The following MAP4K1 variants were observed in gnomAD, a reference collection of about 807,000 sequenced individuals.
MAP4K1 encodes mitogen-activated protein kinase kinase kinase kinase 1.
MAP4K1 carries 35 observed loss-of-function variants against 122.8 expected under a neutral mutation model. That is an observed-to-expected ratio of 0.29 (90% CI 0.22 to 0.38). The LOEUF (loss-of-function observed/expected upper bound fraction) is 0.38, where lower values mean the gene tolerates loss of function less well. Among genes scored for constraint, MAP4K1 ranks in the 10% least tolerant of loss-of-function variants. MAP4K1 has a pLI of 1.00. For synonymous variants in MAP4K1, 412 were observed against 421.3 expected (o/e 0.98, Z 0.27); for missense variants, 791 against 1,072.6 (o/e 0.74, Z 3.67).
intron 17 of MAP4K1, 152 bp from the exon 18 acceptor site, chr19:38,605,882 C>G (rs2144727817): frequency 1.4e-6 from 1 of 725,464 alleles, no homozygotes; most frequent in East Asian, 2.8e-5. Context: ...CCAGCCTTCC[C>G]CTGACATCCC....
rs1462452283 is a variant in MAP4K1, at chr19:38,611,235, T to C, written c.728+8A>G. The C allele has an allele frequency of 1.2e-6, 2 of 1,612,452 alleles. No individual in the cohort carries two copies. The highest frequency in any genetic ancestry group is 1.7e-6 in the Non-Finnish European group (2 of 1,178,808). ...TCTCTCACCCTCCCTCCTGTTACTC[T>C]CTCGTACCATTTGCCTTTTTCCTTC... On this transcript the variant is annotated splice_region_variant and intron_variant, in intron 10 of 30. Transcript: ENST00000396857.
At position 38,610,432 on chromosome 19, in the gene MAP4K1, C is replaced by T. The variant is rs181926672; in HGVS notation, c.811-407G>A. Among the ~76,000 whole-genome samples, 6 of 126,050 alleles carry T rather than the reference C, an allele frequency of 4.8e-5. No individual in the cohort carries two copies. In the East Asian group the frequency reaches 1.3e-3, roughly 28 times the overall value. 82.7% of individuals were successfully genotyped at this position (126,050 alleles called of 152,430 possible). ...ACAGGGTCTCGCCCTGTCACTCAGA[C>T]TGGAGTGCAGTGGCACGATCCTGGC... On this transcript the variant is annotated intron_variant, in intron 11 of 30. Transcript: ENST00000396857.
At chr19:38,589,830 G>A (rs1430087472) in intron 30 of MAP4K1, among the ~76,000 whole-genome samples, 1 of 152,142 alleles carries the variant, frequency 6.6e-6, no homozygotes, top group Non-Finnish European at 1.5e-5. Flanking sequence ...AGGAGTTCCA[G>A]ACCAGGCTAA....
At chr19:38,608,374 C>G (rs1161133763) in intron 13 of MAP4K1, among the ~76,000 whole-genome samples, 1 of 151,984 alleles carries the variant, frequency 6.6e-6, no homozygotes, top group African/African-American at 2.4e-5. Context: ...GGATCAAGAC[C>G]AGGTGCAGTG....
intron 30 of MAP4K1, among the ~76,000 whole-genome samples, chr19:38,588,703 G>A (rs2145925159): frequency 6.7e-6 from 1 of 150,170 alleles, no homozygotes; most frequent in South Asian, 2.1e-4. Context: ...AGTGAGCCGA[G>A]ATAGCGCCAG....
intron 4 of MAP4K1, 72 bp from the exon 5 acceptor site, chr19:38,614,517 C>A: frequency 6.6e-7 from 1 of 1,525,712 alleles, no homozygotes; most frequent in South Asian, 1.1e-5. Context: ...AGTCCTGCCC[C>A]CCCACACCAG....
intron 19 of MAP4K1, among the ~76,000 whole-genome samples, chr19:38,602,752 A>G (rs924718367): frequency 6.7e-6 from 1 of 148,642 alleles, no homozygotes; most frequent in Non-Finnish European, 1.5e-5. Flanking sequence ...ATACACATGT[A>G]CATATATACG....
At chr19:38,603,260 G>A (rs748427344) in intron 19 of MAP4K1, among the ~76,000 whole-genome samples, 17 of 116,964 alleles carry the variant, frequency 1.5e-4, no homozygotes, top group African/African-American at 2.0e-4. Context: ...ACATATATAC[G>A]CATATACATA....
Position 38,612,648 on chromosome 19 carries a change from C to T in MAP4K1, c.628G>A (p.Glu210Lys), listed in dbSNP as rs370568911. 7 of 1,613,504 alleles carry T rather than the reference C, an allele frequency of 4.3e-6. No homozygotes were observed. Among genetic ancestry groups the T allele is most frequent in the Non-Finnish European group, 5.9e-6 (7 of 1,179,924 alleles). The change falls in exon 9 of 31, where the codon GAG becomes AAG. Residue 210 changes from glutamate (E) to lysine (K), a missense_variant. By Grantham distance (56) the Glu-to-Lys change is moderately conservative. Around this residue, in one of 4 missense-constraint regions of MAP4K1, gnomAD observed 163 missense variants for 286.1 expected, o/e 0.57. Coordinates refer to ENST00000396857, the MANE Select transcript of MAP4K1 (RefSeq NM_001042600.3). ...SLGITAIELA[E>K]LQPPLFDVHP... ...ACATCAAAGAGCGGTGGCTGTAGCTCGGCCAGTTCGATGGCCGTGATGCCC... is the reference window on the plus strand; with the variant it reads ...ACATCAAAGAGCGGTGGCTGTAGCTTGGCCAGTTCGATGGCCGTGATGCCC...
chr19:38,616,415 G>C (rs2144747572), intron 3 of MAP4K1, among the ~76,000 whole-genome samples, 156 bp from the exon 4 acceptor site: 1 of 152,326 alleles, frequency 6.6e-6, no homozygotes, highest in East Asian at 1.9e-4. Flanking sequence ...GAGTGAGGTT[G>C]TTTCATTCCC....
chr19:38,610,664 G>A (rs1159093340), intron 11 of MAP4K1, among the ~76,000 whole-genome samples: 1 of 152,118 alleles, frequency 6.6e-6, no homozygotes, highest in Non-Finnish European at 1.5e-5. Context: ...GGGATTACAG[G>A]TGTGAGCCAC....
In MAP4K1 at chr19:38,611,129, C is replaced by A. The variant is rs1247248614; in HGVS notation, c.732G>T (p.Ser244=). The change falls in exon 11 of 31, where the codon TCG becomes TCT. Residue 244 remains serine (S), a synonymous_variant. Transcript: ENST00000396857. ...CTTTGATGAAGTTGTGGAAGGCAGC[C>A]GACCTTGGGAAGAAGAAGCCAGGTT... The part of the protein sequence containing the change: ...PPRLKEKGKW[S]AAFHNFIKVT... The A allele has an allele frequency of 1.9e-6, 3 of 1,613,316 alleles. No homozygotes were observed.
rs943108537 is a variant in MAP4K1 at position 38,611,191 on chromosome 19, C to A, written c.728+52G>T. ...GACCAGAAACCCTCCCATCAGGCCA[C>A]CCAGCCCCAGCCCTGCCCTCTCTCA... On this transcript the variant is annotated intron_variant, in intron 10 of 30. Coordinates refer to ENST00000396857, the MANE Select transcript of MAP4K1 (RefSeq NM_001042600.3). 101 of 1,600,492 alleles carry A rather than the reference C, an allele frequency of 6.3e-5. 1 individual carries two copies. In the Admixed American group the frequency reaches 6.3e-4, roughly 10 times the overall value.
At position 38,607,496 on chromosome 19, in the gene MAP4K1, G is replaced by A. The variant is rs558347357; in HGVS notation, c.1157+368C>T. Among the ~76,000 whole-genome samples, 32 of 148,098 alleles carry A rather than the reference G, an allele frequency of 2.2e-4. No individual in the cohort carries two copies. In the East Asian group the frequency reaches 6.1e-3, roughly 28 times the overall value. On this transcript the variant is annotated intron_variant, in intron 16 of 30. Coordinates refer to ENST00000396857, the MANE Select transcript of MAP4K1 (RefSeq NM_001042600.3). Reference sequence around the variant, plus strand: ...AATCGCTTGAACCCGGGGAGCCGAGGTTGTAGTGAGCTGAGACTACGTCAC... The same window carrying A: ...AATCGCTTGAACCCGGGGAGCCGAGATTGTAGTGAGCTGAGACTACGTCAC...
chr19:38,614,315 G>T (rs769461116), intron 5 of MAP4K1, 23 bp from the exon 6 acceptor site: 1 of 1,614,180 alleles, frequency 6.2e-7, no homozygotes. Context: ...GTGGACAAGG[G>T]GACAGTGAGT....
intron 4 of MAP4K1, 68 bp from the exon 5 acceptor site, chr19:38,614,513 G>GC (rs958782746): frequency 4.8e-5 from 75 of 1,553,828 alleles, no homozygotes; most frequent in Admixed American, 5.0e-5. Flanking sequence ...GGGGAGTCCT[G>GC]CCCCCCCACA....
chr19:38,605,431 T>C lies in MAP4K1; in HGVS notation c.1424A>G (p.Lys475Arg). 6.2e-7 allele frequency: 1 copy of C among 1,600,416 alleles called. No individual in the cohort carries two copies. The highest frequency in any genetic ancestry group is 8.5e-7 in the Non-Finnish European group (1 of 1,174,710). ...ELDKPPLLPP[K>R]KEKMKRKGCA... ...CACCTTTCTCTTCATCTTTTCCTTCTTGGGGGGCAGAAGTGGGGGCTTGTC... is the reference window on the plus strand; with the variant it reads ...CACCTTTCTCTTCATCTTTTCCTTCCTGGGGGGCAGAAGTGGGGGCTTGTC... The change falls in exon 19 of 31, where the codon AAG (lysine) becomes AGG (arginine). Residue 475 changes from lysine (K) to arginine (R), a missense_variant. By Grantham distance (26) the Lys-to-Arg change is conservative. Coordinates refer to ENST00000396857, the MANE Select transcript of MAP4K1 (RefSeq NM_001042600.3).
chr19:38,599,795 G>T, intron 22 of MAP4K1, 130 bp downstream of exon 22: 2 of 858,010 alleles, frequency 2.3e-6, no homozygotes, highest in Non-Finnish European at 3.9e-6. Context: ...AAGTGTCTGG[G>T]ATTTGAACCT....
intron 19 of MAP4K1, among the ~76,000 whole-genome samples, chr19:38,603,114 A>ACATGTACATATATACG (rs1309349106): frequency 2.6e-5 from 3 of 114,498 alleles, no homozygotes; most frequent in Non-Finnish European, 5.5e-5. Context: ...ACATATATAC[A>ACATGTACATATATACG]CATGTACATA....
Sources: gnomAD v4.1 joint callset for allele counts (sites outside exome capture counted in the v4.1 genomes callset) on GRCh38, gnomAD v4.1.1 for gene constraint, gnomAD v4.1.1 regional missense constraint, MANE v1.5 for transcripts, NCBI Gene and HGNC (gene_info 2026-07-23, HGNC 2026-07-21) for gene names.